The following HGSNAT variants were observed in gnomAD, a reference collection of about 807,000 sequenced individuals.
The protein encoded by HGSNAT is heparan-alpha-glucosaminide N-acetyltransferase.
In HGSNAT, 59 loss-of-function variants were observed where a neutral mutation model predicts 85.2. The ratio of observed to expected loss-of-function variants is 0.69; its 90% CI spans 0.56 to 0.86. The LOEUF is 0.86. Ranked by LOEUF, HGSNAT falls within the 40% of genes least tolerant of loss-of-function variation. HGSNAT has a pLI of 0.00. For synonymous variants in HGSNAT, 321 were observed against 304.5 expected (o/e 1.05, Z -0.56); for missense variants, 756 against 777.1 (o/e 0.97, Z 0.32).
chr8:43,180,669 A>T, intron 10 of HGSNAT: 1 of 276,598 alleles, frequency 3.6e-6, no homozygotes, highest in South Asian at 2.7e-5. Context: ...CCAAGCAGAG[A>T]CGCTCCTCAC....
chr8:43,191,407 A>G, intron 11 of HGSNAT, 67 bp from the exon 12 acceptor site: 5 of 1,561,784 alleles, frequency 3.2e-6, no homozygotes, highest in Non-Finnish European at 4.4e-6. Context: ...TTTCCTAAAG[A>G]CATGTGCTTA....
chr8:43,183,941 C>T (rs1247748670), intron 11 of HGSNAT, among the ~76,000 whole-genome samples: 1 of 152,158 alleles, frequency 6.6e-6, no homozygotes, highest in Non-Finnish European at 1.5e-5. Context: ...CAGCTTCATC[C>T]ATGTCCCTAC....
intron 5 of HGSNAT, among the ~76,000 whole-genome samples, chr8:43,161,922 A>C (rs576973765): frequency 1.7e-3 from 265 of 152,322 alleles, no homozygotes; most frequent in Admixed American, 2.8e-3. Context: ...CTGCCAGCCC[A>C]GGCATCTGGT....
chr8:43,140,516 CGCTGGCCGCGCTGCT>C lies in HGSNAT; in HGVS notation c.31_45del (p.Leu11_Ala15del), dbSNP rs1274083689. The C allele has an allele frequency of 1.1e-5, 12 of 1,079,848 alleles. No homozygotes were observed. Among genetic ancestry groups the C allele is most frequent in the African/African-American group, 1.7e-5 (1 of 59,172 alleles). The allele number at this position is 1,079,848 out of a possible 1,614,324, so 66.9% of individuals were successfully genotyped here. On this transcript the variant is annotated inframe_deletion, in exon 1 of 18. Coordinates refer to ENST00000379644, the MANE Select transcript of HGSNAT (RefSeq NM_152419.3). The stretch of plus-strand genomic sequence containing the variant: ...GCGGGCATGAGCGGGGCGGGCAGGG[CGCTGGCCGCGCTGCT>C]GCTGGCCGCGTCCGTGCTGAGCGCC...
At position 43,170,662 on chromosome 8, in the gene HGSNAT, G is replaced by A. The variant is rs376484914; in HGVS notation, c.711G>A (p.Pro237=). The A allele has an allele frequency of 1.6e-5, 25 of 1,607,166 alleles. No homozygotes were observed. Among genetic ancestry groups the A allele is most frequent in the Admixed American group, 8.4e-5 (5 of 59,222 alleles). ...CAACGTGGCGTCTATCTGCCCTGCC[G>A]CCCCGCCTCCGCAGCGTGGACACCT... ...QPATWRLSAL[P]PRLRSVDTFR... The change falls in exon 7 of 18, where the codon CCG becomes CCA. Residue 237 remains proline (P), a synonymous_variant. Transcript: ENST00000379644.
In HGSNAT at chr8:43,195,528, G is replaced by GAGA. The variant is rs752198132; in HGVS notation, c.1465-1419_1465-1418insGAA. On this transcript the variant is annotated intron_variant, in intron 14 of 17. Coordinates refer to ENST00000379644, the MANE Select transcript of HGSNAT (RefSeq NM_152419.3). ...GGAGGAGGAGGAGGAAGAAGAGGAG[G>GAGA]AAGAGGAGGAGGGAGTAGAGGAGGA... Among the ~76,000 whole-genome samples, 719 of 147,330 alleles carry GAGA rather than the reference G, an allele frequency of 4.9e-3. 7 individuals carry two copies. Among genetic ancestry groups the GAGA allele is most frequent in the African/African-American group, 0.017 (671 of 40,322 alleles).
intron 5 of HGSNAT, chr8:43,167,973 C>T (rs570489979): frequency 3.0e-4 from 75 of 246,096 alleles, no homozygotes; most frequent in Admixed American, 8.5e-4. Context: ...GGCTGGAGTG[C>T]GGTGGCACCA....
rs1804568063 is a variant in HGSNAT at position 43,192,375 on chromosome 8, A to G, written c.1322A>G (p.Tyr441Cys). The G allele has an allele frequency of 1.2e-6, 2 of 1,613,120 alleles. No homozygotes were observed. The highest frequency in any genetic ancestry group is 1.7e-6 in the Non-Finnish European group (2 of 1,179,646). Residue 441 changes from tyrosine (Y) to cysteine (C), a missense_variant, in exon 13 of 18, where the codon TAC becomes TGC. Coordinates refer to ENST00000379644, the MANE Select transcript of HGSNAT (RefSeq NM_152419.3). ...AATTGCACTGGAGGAGCTGCAGGCT[A>G]CATCGACCGCCTGCTGCTGGGAGAC... ...YPNCTGGAAG[Y>C]IDRLLLGDDH...
At chr8:43,173,837 G>A in intron 9 of HGSNAT, 94 bp downstream of exon 9, 1 of 1,330,436 alleles carries the variant, frequency 7.5e-7, no homozygotes, top group Non-Finnish European at 1.1e-6. Flanking sequence ...AGACGGGCAT[G>A]TGTTATGTGG....
intron 5 of HGSNAT, among the ~76,000 whole-genome samples, chr8:43,164,513 C>T (rs987146532): frequency 2.0e-5 from 3 of 152,168 alleles, no homozygotes; most frequent in Admixed American, 2.0e-4. Context: ...GACACCATGG[C>T]TCACACCTGT....
chr8:43,194,392 T>A (rs1804640185), intron 14 of HGSNAT: 8 of 984,838 alleles, frequency 8.1e-6, no homozygotes, highest in Non-Finnish European at 9.6e-6. Context: ...AGTGAGACCC[T>A]GTCTCAAAAA....
At chr8:43,172,488 C>A (rs1030332261) in intron 8 of HGSNAT, 102 bp downstream of exon 8, 1 of 821,696 alleles carries the variant, frequency 1.2e-6, no homozygotes, top group Non-Finnish European at 2.0e-6. Context: ...CAGAAATGAG[C>A]CCCAGCAGCC....
chr8:43,167,562 A>G (rs1166946438), intron 5 of HGSNAT, among the ~76,000 whole-genome samples: 1 of 152,244 alleles, frequency 6.6e-6, no homozygotes, highest in Non-Finnish European at 1.5e-5. Context: ...TTGCACACTT[A>G]ATAGACTATA....
rs913764481 is a variant in HGSNAT, at chr8:43,158,566, T to G, written c.235-9T>G. 1.2e-6 allele frequency: 2 copies of G among 1,613,936 alleles called. No homozygotes were observed. Among genetic ancestry groups the G allele is most frequent in the Non-Finnish European group, 1.7e-6 (2 of 1,179,844 alleles). ...TCTGGCGGTTGACCTGTTGTGCTTT[T>G]ATTTACAGTGCTTGTTTCAGGTTCT... On this transcript the variant is annotated splice_polypyrimidine_tract_variant and intron_variant, in intron 2 of 17. Transcript: ENST00000379644.
chr8:43,155,067 A>T (rs1171086245), intron 2 of HGSNAT, among the ~76,000 whole-genome samples: 1 of 152,086 alleles, frequency 6.6e-6, no homozygotes, highest in Non-Finnish European at 1.5e-5. Flanking sequence ...AATTTGACAA[A>T]CTGATTTTCT....
intron 11 of HGSNAT, among the ~76,000 whole-genome samples, chr8:43,189,269 C>T (rs1018763853): frequency 8.5e-5 from 13 of 152,174 alleles, no homozygotes; most frequent in African/African-American, 1.4e-4. Context: ...TCTTGAGCTG[C>T]GGTGGGCTCC....
intron 1 of HGSNAT, among the ~76,000 whole-genome samples, chr8:43,143,529 ATTTC>A (rs1251147663): frequency 2.1e-4 from 32 of 149,896 alleles, no homozygotes; most frequent in Middle Eastern, 3.4e-3. Flanking sequence ...ACCAGGAGCT[ATTTC>A]TTTCTTTCTT....
At chr8:43,196,523 G>T (rs1804732695) in intron 14 of HGSNAT, 3 of 1,290,368 alleles carry the variant, frequency 2.3e-6, no homozygotes, top group African/African-American at 1.5e-5. Flanking sequence ...GGAAGTAAGA[G>T]CCACGGAGCC....
rs1804138670 is a variant in HGSNAT, at chr8:43,181,937, T to C, written c.1013-208T>C. 3 of 563,160 alleles carry C rather than the reference T, an allele frequency of 5.3e-6. No homozygotes were observed. In the South Asian group the frequency reaches 7.6e-5, roughly 14 times the overall value. 34.9% of individuals were successfully genotyped at this position (563,160 alleles called of 1,614,324 possible). On this transcript the variant is annotated intron_variant, in intron 10 of 17. Transcript: ENST00000379644. ...TTTGAGCCATGTCCCTGACTGACCCTCCCTCTATTAAGAGGGATTGGCCTG... is the reference window on the plus strand; with the variant it reads ...TTTGAGCCATGTCCCTGACTGACCCCCCCTCTATTAAGAGGGATTGGCCTG...
Sources: allele counts gnomAD v4.1 joint callset (sites outside exome capture counted in the v4.1 genomes callset), GRCh38; gene constraint gnomAD v4.1.1; transcripts MANE v1.5; gene names NCBI Gene and HGNC (gene_info 2026-07-23, HGNC 2026-07-21).